ZNF682: variants seen among roughly 807,000 people sequenced by gnomAD.
ZNF682 encodes zinc finger protein 682.
A neutral mutation model predicts 36.5 loss-of-function variants in ZNF682; 29 were observed. The observed-to-expected ratio is 0.80, with a 90% CI of 0.59 to 1.08. The LOEUF (loss-of-function observed/expected upper bound fraction) is 1.08. Ranked by LOEUF, ZNF682 falls within the 50% of genes least tolerant of loss-of-function variation. The pLI is 0.00. For synonymous variants in ZNF682, 180 were observed against 197.0 expected (o/e 0.91, Z 0.72); for missense variants, 561 against 579.7 (o/e 0.97, Z 0.33).
intron 3 of ZNF682, chr19:20,007,725 C>G (rs563129035): frequency 2.9e-4 from 46 of 158,288 alleles, no homozygotes; most frequent in Middle Eastern, 6.7e-3. Flanking sequence ...CCCTATACAT[C>G]TGTGAACTGG....
chr19:20,021,413 G>C (rs577663575), intron 3 of ZNF682, among the ~76,000 whole-genome samples: 1 of 152,272 alleles, frequency 6.6e-6, no homozygotes, highest in African/African-American at 2.4e-5. Context: ...GAACCTGGGA[G>C]GCGGAGGTTG....
chr19:19,999,419 GA>G (rs201818475), downstream of ZNF682, among the ~76,000 whole-genome samples: 1 of 110,302 alleles, frequency 9.1e-6, no homozygotes, highest in East Asian at 3.9e-4. Context: ...TTGCTTAAGA[GA>G]TTTTTTAAAA....
chr19:20,029,294 CT>C (rs561579595), intron 1 of ZNF682, among the ~76,000 whole-genome samples: 44 of 146,678 alleles, frequency 3.0e-4, no homozygotes, highest in East Asian at 8.1e-4. Flanking sequence ...CTTTTGTTTT[CT>C]TTTTTTTTTA....
chr19:20,004,267 T>C (rs1203683371), downstream of ZNF682, among the ~76,000 whole-genome samples: 1 of 152,168 alleles, frequency 6.6e-6, no homozygotes, highest in Non-Finnish European at 1.5e-5. Flanking sequence ...TATTTGAAGT[T>C]TAAAGTCACT....
intron 3 of ZNF682, among the ~76,000 whole-genome samples, chr19:20,016,040 G>T (rs1376604444): frequency 2.0e-5 from 3 of 152,204 alleles, no homozygotes; most frequent in Admixed American, 2.0e-4. Context: ...GCCGGGCATG[G>T]TGGCTCAAGC....
chr19:20,003,047 C>A (rs1297265027), downstream of ZNF682, among the ~76,000 whole-genome samples: 1 of 150,242 alleles, frequency 6.7e-6, no homozygotes, highest in Non-Finnish European at 1.5e-5. Flanking sequence ...AAGAATGAGC[C>A]GGGCGTGGTG....
chr19:20,024,566 G>A (rs2088415558), intron 1 of ZNF682, 190 bp from the exon 2 acceptor site: 8 of 679,262 alleles, frequency 1.2e-5, no homozygotes, highest in South Asian at 9.4e-5. Context: ...GGCCAGGTTC[G>A]GTGGCTCACG....
Position 20,027,320 on chromosome 19 carries a change from A to C in ZNF682, c.4-2944T>G, listed in dbSNP as rs1371622261. Among the ~76,000 whole-genome samples the C allele has an allele frequency of 2.0e-5, 3 of 152,316 alleles. No homozygotes were observed. The East Asian group carries it at 5.8e-4, about 29-fold the overall frequency. ...ACAGTGAGCTTCTACCTAAAGACTA[A>C]AATGTGAGTCTCCAGTTTCCTGCCT... is the stretch of plus-strand genomic sequence containing the variant. On this transcript the variant is annotated intron_variant, in intron 1 of 3. Transcript: ENST00000397165.
chr19:19,996,658 C>T (rs1391011612), downstream of ZNF682, among the ~76,000 whole-genome samples: 2 of 152,084 alleles, frequency 1.3e-5, no homozygotes, highest in Admixed American at 6.6e-5. Context: ...AAGAATGATA[C>T]ATGAATTTTC....
intron 3 of ZNF682, among the ~76,000 whole-genome samples, chr19:20,013,633 C>T (rs966931298): frequency 1.8e-4 from 27 of 152,178 alleles, no homozygotes; most frequent in South Asian, 6.2e-4. Context: ...CAGGCTGGAG[C>T]GCAGTGGCGC....
intron 1 of ZNF682, 87 bp from the exon 2 acceptor site, chr19:20,024,463 T>C (rs767669057): frequency 5.0e-6 from 7 of 1,407,782 alleles, no homozygotes; most frequent in Non-Finnish European, 6.8e-6. Flanking sequence ...CTGTGACTTA[T>C]GAGAGTTACT....
chr19:20,021,082 G>A (rs1032687231), intron 3 of ZNF682, among the ~76,000 whole-genome samples: 6 of 151,972 alleles, frequency 3.9e-5, no homozygotes, highest in Admixed American at 6.6e-5. Context: ...CTTGGGCCAC[G>A]CATAAAATAC....
Position 20,012,520 on chromosome 19 carries a change from C to A in ZNF682, c.227-5245G>T, listed in dbSNP as rs146146884. Among the ~76,000 whole-genome samples the A allele has an allele frequency of 8.6e-3, 1,302 of 152,214 alleles. 19 individuals carry two copies. Among genetic ancestry groups the A allele is most frequent in the African/African-American group, 0.029 (1,204 of 41,534 alleles). On this transcript the variant is annotated intron_variant, in intron 3 of 3. Transcript: ENST00000397165. The stretch of plus-strand genomic sequence containing the variant: ...TGGTGGCTCACGCCTGTAATCCCAG[C>A]ACTTTGGGAGGCCGAGGCGGGTGGA...
intron 1 of ZNF682, among the ~76,000 whole-genome samples, chr19:20,026,492 G>A (rs2088432665): frequency 6.6e-6 from 1 of 151,996 alleles, no homozygotes. Flanking sequence ...TTTTGAGACA[G>A]TCTCACTCTA....
intron 1 of ZNF682, among the ~76,000 whole-genome samples, chr19:20,035,451 C>A (rs2088519959): frequency 6.6e-6 from 1 of 151,988 alleles, no homozygotes; most frequent in Non-Finnish European, 1.5e-5. Flanking sequence ...GTCTCGAACT[C>A]CTGACCTCGT....
Position 20,037,216 on chromosome 19 carries a change from G to C in ZNF682, c.3+2127C>G, listed in dbSNP as rs139541503. On this transcript the variant is annotated intron_variant, in intron 1 of 3. Coordinates refer to ENST00000397165, the MANE Select transcript of ZNF682 (RefSeq NM_033196.3). ...GTGTGCACATAAAAAAAGGGTTTGT[G>C]GGGGAACTAAAAGGCAAACGAGGGA... Among the ~76,000 whole-genome samples, 425 of 152,278 alleles carry C rather than the reference G, an allele frequency of 2.8e-3. 1 individual carries two copies. The highest frequency in any genetic ancestry group is 5.5e-3 in the Admixed American group (84 of 15,296).
chr19:20,014,641 G>A (rs866625134), intron 3 of ZNF682, among the ~76,000 whole-genome samples: 32 of 151,484 alleles, frequency 2.1e-4, no homozygotes, highest in African/African-American at 6.8e-4. Context: ...TTAGCCAGGC[G>A]TGGTGGCACG....
At chr19:20,002,087 ATTTC>A (rs1212892314), downstream of ZNF682, among the ~76,000 whole-genome samples, 1 of 151,658 alleles carries the variant, frequency 6.6e-6, no homozygotes, top group African/African-American at 2.4e-5. Flanking sequence ...TATAGTTATT[ATTTC>A]TTTTTTATTT....
intron 1 of ZNF682, chr19:20,034,141 A>G (rs2088505390): frequency 6.6e-6 from 1 of 152,412 alleles, no homozygotes; most frequent in African/African-American, 2.4e-5. Context: ...ATTCCCCCCA[A>G]TGTTTCTCTT....
Sources: gnomAD v4.1 joint callset for allele counts (sites outside exome capture counted in the v4.1 genomes callset) on GRCh38, gnomAD v4.1.1 for gene constraint, MANE v1.5 for transcripts, NCBI Gene and HGNC (gene_info 2026-07-23, HGNC 2026-07-21) for gene names.